DCP1B: variants seen among roughly 807,000 people sequenced by gnomAD.
DCP1B encodes the protein mRNA-decapping enzyme 1B.
DCP1B carries 47 observed loss-of-function variants against 60.5 expected under a neutral mutation model. The ratio of observed to expected loss-of-function variants is 0.78; its 90% CI spans 0.61 to 0.99. DCP1B has a LOEUF of 0.99. Among genes scored for constraint, DCP1B ranks in the 50% least tolerant of loss-of-function variants. DCP1B has a pLI of 0.00. For synonymous variants in DCP1B, 267 were observed against 280.3 expected, an observed-to-expected ratio of 0.95 and a Z score of 0.47; for missense variants, 725 against 756.8, an observed-to-expected ratio of 0.96 and a Z score of 0.49.
rs1340356650 is a variant in DCP1B at position 1,946,245 on chromosome 12, G to A, written c.1815C>T (p.Leu605=). ...TCATGGCTGCTTGAGTCATGCTGAA[G>A]AGATAGGCTTCATAGATTATATTTA... ...NFLNIIYEAY[L]FSMTQAAMKK... is the part of the protein sequence containing the mutation. The change falls in exon 9 of 9, where the codon CTC becomes CTT. Residue 605 remains leucine (L), a synonymous_variant. Transcript: ENST00000280665. 1 of 1,608,652 alleles carries A rather than the reference G, an allele frequency of 6.2e-7. No homozygotes were observed. The highest frequency in any genetic ancestry group is 8.5e-7 in the Non-Finnish European group (1 of 1,178,006).
At position 1,946,272 on chromosome 12, in the gene DCP1B, G is replaced by C; in HGVS notation, c.1788C>G (p.Phe596Leu). ...GATAGGCTTCATAGATTATATTTAAGAAGTTGTCATCATTCTGGAAAACAA... is the reference window on the plus strand; with the variant it reads ...GATAGGCTTCATAGATTATATTTAACAAGTTGTCATCATTCTGGAAAACAA... ...LLYLIQNDDN[F>L]LNIIYEAYLF... The change falls in exon 9 of 9, where the codon TTC becomes TTG. Residue 596 changes from phenylalanine to leucine, a missense_variant. Physicochemically the swap from Phe to Leu is conservative, Grantham distance 22 (BLOSUM62 0). Transcript: ENST00000280665. The C allele has an allele frequency of 6.2e-7, 1 of 1,604,586 alleles. No homozygotes were observed. The highest frequency in any genetic ancestry group is 8.5e-7 in the Non-Finnish European group (1 of 1,176,578).
At chr12:1,951,213 T>C (rs547422010) in intron 7 of DCP1B, among the ~76,000 whole-genome samples, 52 of 152,136 alleles carry the variant, frequency 3.4e-4, no homozygotes, top group African/African-American at 1.1e-3. Context: ...AGGTGGAGGT[T>C]GCAGTGAGCC....
At chr12:1,991,463 AATAAT>A (rs1389655604) in intron 3 of DCP1B, 7 of 237,628 alleles carry the variant, frequency 2.9e-5, no homozygotes, top group South Asian at 2.4e-4. Flanking sequence ...AAGTGAAATT[AATAAT>A]ATATTTTATT....
At chr12:1,965,472 T>C (rs2154457102) in intron 5 of DCP1B, 86 bp downstream of exon 5, 1 of 1,369,282 alleles carries the variant, frequency 7.3e-7, no homozygotes, top group Non-Finnish European at 9.5e-7. Context: ...AGGAACAGCA[T>C]CCACAGTACC....
chr12:1,945,769 A>C (rs1362523326), downstream of DCP1B, among the ~76,000 whole-genome samples: 1 of 152,254 alleles, frequency 6.6e-6, no homozygotes. Context: ...CATTCTCAGC[A>C]AACTAACAAA....
chr12:1,954,646 T>C (rs1484125307), intron 6 of DCP1B, among the ~76,000 whole-genome samples: 1 of 152,074 alleles, frequency 6.6e-6, no homozygotes, highest in East Asian at 1.9e-4. Context: ...ATACCATTCC[T>C]TTGGACTCTG....
At chr12:1,983,720 T>C (rs75280067) in intron 3 of DCP1B, among the ~76,000 whole-genome samples, 5,551 of 152,186 alleles carry the variant, frequency 0.036, 119 homozygotes, top group Middle Eastern at 0.058. Context: ...GAATATAATA[T>C]AAATGACAGC....
intron 1 of DCP1B, among the ~76,000 whole-genome samples, chr12:1,998,183 T>C (rs1226363415): frequency 6.6e-6 from 1 of 152,246 alleles, no homozygotes; most frequent in Non-Finnish European, 1.5e-5. Flanking sequence ...CAGTCTTTCT[T>C]TTGTCATTTA....
intron 3 of DCP1B, chr12:1,991,110 C>T (rs2039295081): frequency 1.3e-5 from 6 of 456,020 alleles, no homozygotes; most frequent in Non-Finnish European, 2.6e-5. Flanking sequence ...AATATGCATC[C>T]CAAAGGCTAC....
At position 1,973,453 on chromosome 12, in the gene DCP1B, T is replaced by A. The variant is rs989665268; in HGVS notation, c.320-5543A>T. ...AAGCATTATACTAATTTGGATTAAA[T>A]TAATATGTACTCTCCAACTATAAAT... On this transcript the variant is annotated intron_variant, in intron 3 of 8. Transcript: ENST00000280665. 6.1e-4 allele frequency among the ~76,000 whole-genome samples: 93 copies of A among 152,242 alleles called. 1 individual carries two copies. Among genetic ancestry groups the A allele is most frequent in the African/African-American group, 2.2e-3 (93 of 41,460 alleles).
At chr12:1,998,159 T>C (rs1170078759) in intron 1 of DCP1B, among the ~76,000 whole-genome samples, 184 bp from the exon 2 acceptor site, 2 of 152,228 alleles carry the variant, frequency 1.3e-5, no homozygotes, top group Admixed American at 1.3e-4. Context: ...CTCTGCAGAT[T>C]AGGCAGCAGG....
rs998779089 is a variant in DCP1B at position 1,975,408 on chromosome 12, A to AT, written c.320-7499dup. The stretch of plus-strand genomic sequence containing the variant: ...ATTATTTGAAACTATTTACTAAATG[A>AT]TTTTTGGACAAAAATTAGTAATATA... On this transcript the variant is annotated intron_variant, in intron 3 of 8. Coordinates refer to ENST00000280665, the MANE Select transcript of DCP1B (RefSeq NM_152640.5). Among the ~76,000 whole-genome samples, 10 of 152,262 alleles carry AT rather than the reference A, an allele frequency of 6.6e-5. No individual in the cohort carries two copies. In the Middle Eastern group the frequency reaches 0.02, roughly 311 times the overall value.
Position 1,955,534 on chromosome 12 carries a change from C to G in DCP1B, c.549G>C (p.Lys183Asn). Residue 183 changes from lysine (K) to asparagine (N), a missense_variant, in exon 6 of 9, where the codon AAG becomes AAC. Physicochemically the swap from Lys to Asn is moderately conservative, Grantham distance 94. Transcript: ENST00000280665. ...TKCKTCSEPK[K>N]ITSSSAIYDN... ...CATAGATGGCAGAGGAACTGGTTAT[C>G]TTTTTTGGCTCAGAACAGGTTTTAC... 1 of 1,613,368 alleles carries G rather than the reference C, an allele frequency of 6.2e-7. No homozygotes were observed. The highest frequency in any genetic ancestry group is 8.5e-7 in the Non-Finnish European group (1 of 1,179,462).
At chr12:1,990,712 T>C (rs898684274) in intron 3 of DCP1B, among the ~76,000 whole-genome samples, 12 of 152,142 alleles carry the variant, frequency 7.9e-5, no homozygotes, top group Admixed American at 6.5e-4. Context: ...GAGGAAATAG[T>C]CTTACAAAAA....
intron 3 of DCP1B, among the ~76,000 whole-genome samples, chr12:1,983,983 G>A (rs1479161871): frequency 3.3e-5 from 5 of 151,906 alleles, no homozygotes; most frequent in Non-Finnish European, 7.4e-5. Flanking sequence ...ATGCAATGTC[G>A]TTTTTTATCC....
intron 8 of DCP1B, among the ~76,000 whole-genome samples, chr12:1,946,831 C>T (rs931590893): frequency 6.6e-6 from 1 of 152,174 alleles, no homozygotes; most frequent in African/African-American, 2.4e-5. Context: ...TCCAGAGTAG[C>T]TAGGGCTACA....
Position 1,971,325 on chromosome 12 carries a change from G to A in DCP1B, c.320-3415C>T. The A allele has an allele frequency of 2.1e-6, 1 of 475,514 alleles. No individual in the cohort carries two copies. Among genetic ancestry groups the A allele is most frequent in the South Asian group, 2.2e-5 (1 of 44,904 alleles). The allele number at this position is 475,514 out of a possible 1,614,324, so 29.5% of individuals were successfully genotyped here. A position where few individuals can be genotyped will look rare whatever the true frequency, so the allele number is the denominator to read the frequency against. On this transcript the variant is annotated intron_variant, in intron 3 of 8. Transcript: ENST00000280665. The surrounding 1 kb of genome is among the most constrained non-coding windows in gnomAD (Gnocchi z 4.2). Reference sequence around the variant, plus strand: ...AACTCATCTCTCCATATTTAATCAGGATTTACCACACACCGTTGTAAAATT... The same window carrying A: ...AACTCATCTCTCCATATTTAATCAGAATTTACCACACACCGTTGTAAAATT...
intron 4 of DCP1B, chr12:1,966,226 G>A (rs996307651): frequency 1.6e-4 from 24 of 152,172 alleles, no homozygotes; most frequent in African/African-American, 5.1e-4. Flanking sequence ...TGAAGTCAAG[G>A]CAAGGTTGAT....
At chr12:1,965,805 G>A in intron 4 of DCP1B, 112 bp from the exon 5 acceptor site, 2 of 1,283,106 alleles carry the variant, frequency 1.6e-6, no homozygotes, top group Non-Finnish European at 2.1e-6. Flanking sequence ...AACCATATTA[G>A]AAATAAGCTT....
Sources: allele counts gnomAD v4.1 joint callset (sites outside exome capture counted in the v4.1 genomes callset), GRCh38; gene constraint gnomAD v4.1.1; non-coding constraint Gnocchi (gnomAD v3.1); transcripts MANE v1.5; gene names NCBI Gene and HGNC (gene_info 2026-07-23, HGNC 2026-07-21).